SORCS1: variants seen among roughly 807,000 people sequenced by gnomAD.
The protein encoded by SORCS1 is sortilin related VPS10 domain containing receptor 1.
A neutral mutation model predicts 146.1 loss-of-function variants in SORCS1; 60 were observed. That is an observed-to-expected ratio of 0.41 (90% CI 0.33 to 0.51). SORCS1 has a LOEUF of 0.51. Among genes scored for constraint, SORCS1 ranks in the 20% least tolerant of loss-of-function variants. SORCS1 has a pLI of 0.21. For missense variants in SORCS1, 1,352 were observed against 1,487.6 expected (o/e 0.91, Z 1.50); for synonymous variants, 637 against 584.0 (o/e 1.09, Z -1.31).
intron 1 of SORCS1, among the ~76,000 whole-genome samples, chr10:107,096,233 T>C (rs771845099): frequency 1.1e-4 from 16 of 152,250 alleles, no homozygotes; most frequent in Non-Finnish European, 2.1e-4. Flanking sequence ...TCACTGGCAT[T>C]TAACAAATGA....
At chr10:107,001,807 A>C (rs1957234960) in intron 1 of SORCS1, among the ~76,000 whole-genome samples, 1 of 152,240 alleles carries the variant, frequency 6.6e-6, no homozygotes. Context: ...AAGTCAGCTT[A>C]ACAGCTATTT....
intron 16 of SORCS1, among the ~76,000 whole-genome samples, chr10:106,668,070 A>G (rs1454754367): frequency 1.3e-5 from 2 of 152,218 alleles, no homozygotes; most frequent in African/African-American, 4.8e-5. Flanking sequence ...GAGAGAGTAG[A>G]TTGTGCTCTC....
intron 2 of SORCS1, among the ~76,000 whole-genome samples, chr10:106,867,848 A>T (rs1316223622): frequency 3.9e-5 from 6 of 152,222 alleles, no homozygotes; most frequent in Non-Finnish European, 8.8e-5. Context: ...GATCAAATCC[A>T]CACATATCAA....
chr10:106,916,551 G>T (rs1045388842), intron 2 of SORCS1, among the ~76,000 whole-genome samples: 4 of 139,424 alleles, frequency 2.9e-5, no homozygotes, highest in Non-Finnish European at 4.6e-5. Context: ...TGCACACGAT[G>T]ATATATAATT....
intron 1 of SORCS1, among the ~76,000 whole-genome samples, chr10:107,097,595 C>T (rs1210865745): frequency 1.3e-5 from 2 of 152,154 alleles, no homozygotes; most frequent in Non-Finnish European, 2.9e-5. Flanking sequence ...TAGCCCCAGC[C>T]TCTCTGCCAG....
chr10:106,676,568 G>A (rs987092228), intron 13 of SORCS1, among the ~76,000 whole-genome samples: 1 of 151,850 alleles, frequency 6.6e-6, no homozygotes, highest in African/African-American at 2.4e-5. Context: ...AGGGTGTGAG[G>A]GTGAAAGTAT....
At chr10:106,795,789 C>A (rs1038444308) in intron 3 of SORCS1, among the ~76,000 whole-genome samples, 2 of 152,132 alleles carry the variant, frequency 1.3e-5, no homozygotes, top group African/African-American at 4.8e-5. Flanking sequence ...GGTGGGTCAA[C>A]CTCTAAGAGA....
chr10:106,940,092 T>C (rs1269346638), intron 2 of SORCS1, among the ~76,000 whole-genome samples: 1 of 152,208 alleles, frequency 6.6e-6, no homozygotes, highest in Non-Finnish European at 1.5e-5. Context: ...CTTCCAGCAC[T>C]CACGAAAGCA....
intron 2 of SORCS1, among the ~76,000 whole-genome samples, chr10:106,877,458 G>A (rs559044549): frequency 6.6e-6 from 1 of 152,098 alleles, no homozygotes; most frequent in Non-Finnish European, 1.5e-5. Context: ...TGCAATGCCT[G>A]TAGTTCCAGT....
rs372278371 is a variant in SORCS1, at chr10:107,094,181, AT to A, written c.558+69787del. 3.5e-3 allele frequency among the ~76,000 whole-genome samples: 535 copies of A among 151,250 alleles called. 2 individuals are homozygous for A. Among genetic ancestry groups the A allele is most frequent in the African/African-American group, 8.3e-3 (344 of 41,260 alleles). On this transcript the variant is annotated intron_variant, in intron 1 of 25. Coordinates refer to ENST00000263054, the MANE Select transcript of SORCS1 (RefSeq NM_052918.5). ...GAATATAAGATCTATGAAGGCAAAC[AT>A]TTTTTTTTAATTCCCTCCTACACCC...
intron 7 of SORCS1, among the ~76,000 whole-genome samples, chr10:106,708,246 GT>G (rs1854677678): frequency 1.0e-5 from 1 of 98,202 alleles, no homozygotes; most frequent in Non-Finnish European, 1.7e-5. Flanking sequence ...TAAAGAAATG[GT>G]GTGTGTGTGT....
chr10:107,105,737 G>T (rs544272519), intron 1 of SORCS1, among the ~76,000 whole-genome samples: 47 of 149,368 alleles, frequency 3.1e-4, no homozygotes, highest in Middle Eastern at 6.9e-3. Flanking sequence ...ATTGAGGGTG[G>T]GTCTGCCTCT....
At chr10:107,137,309 G>C (rs1172653783) in intron 1 of SORCS1, among the ~76,000 whole-genome samples, 2 of 152,102 alleles carry the variant, frequency 1.3e-5, no homozygotes, top group Non-Finnish European at 2.9e-5. Flanking sequence ...TTTTGACCTA[G>C]AGGAACACTT....
chr10:106,812,840 A>C (rs1230167672), intron 3 of SORCS1, among the ~76,000 whole-genome samples: 1 of 152,200 alleles, frequency 6.6e-6, no homozygotes, highest in African/African-American at 2.4e-5. Flanking sequence ...CTACAGATTT[A>C]ATGGTAGTAT....
chr10:106,575,153 C>T lies in SORCS1; in HGVS notation c.*2267G>A, dbSNP rs1284446403. ...TCTTCCACATTAAATTTGGGAGACT[C>T]CAACTGAAGAGGATCAATGAGGATG... is the stretch of plus-strand genomic sequence containing the variant. On this transcript the variant is annotated 3_prime_UTR_variant, in exon 26 of 26. Coordinates refer to ENST00000263054, the MANE Select transcript of SORCS1 (RefSeq NM_052918.5). The T allele has an allele frequency of 1.3e-5, 2 of 152,562 alleles. No individual in the cohort carries two copies. Among genetic ancestry groups the T allele is most frequent in the Non-Finnish European group, 2.9e-5 (2 of 68,028 alleles). 9.5% of individuals were successfully genotyped at this position (152,562 alleles called of 1,614,324 possible). A position where few individuals can be genotyped will look rare whatever the true frequency, so the allele number is the denominator to read the frequency against.
At position 106,667,787 on chromosome 10, in the gene SORCS1, C is replaced by T. The variant is rs768265223; in HGVS notation, c.2205G>A (p.Glu735=). 4.3e-6 allele frequency: 7 copies of T among 1,613,772 alleles called. No individual in the cohort carries two copies. Among genetic ancestry groups the T allele is most frequent in the Non-Finnish European group, 5.1e-6 (6 of 1,179,936 alleles). ...GCAGGCACTGGCCATTGCTGTGTCG[C>T]TCATAACCATAGTCGCTGTTAGGAA... ...EADFDCDYGY[E]RHSNGQCLPA... is the part of the protein sequence containing the mutation. Residue 735 remains glutamate, a synonymous_variant, in exon 17 of 26, where the codon GAG becomes GAA. Transcript: ENST00000263054.
At chr10:106,701,670 G>A (rs149298172) in intron 8 of SORCS1, among the ~76,000 whole-genome samples, 186 of 152,254 alleles carry the variant, frequency 1.2e-3, no homozygotes, top group Middle Eastern at 0.01. Flanking sequence ...TCATCCCACC[G>A]CCAGACTTTT....
At chr10:107,017,071 T>A (rs1054663680) in intron 1 of SORCS1, among the ~76,000 whole-genome samples, 5 of 152,190 alleles carry the variant, frequency 3.3e-5, no homozygotes, top group African/African-American at 1.2e-4. Flanking sequence ...AACTGTAAAT[T>A]GCATTAACTA....
chr10:107,055,329 A>G (rs1960505115), intron 1 of SORCS1, among the ~76,000 whole-genome samples: 1 of 152,254 alleles, frequency 6.6e-6, no homozygotes, highest in Non-Finnish European at 1.5e-5. Context: ...GATCTGGCAC[A>G]GGGGAAACAG....
Sources: gnomAD v4.1 joint callset for allele counts (sites outside exome capture counted in the v4.1 genomes callset) on GRCh38, gnomAD v4.1.1 for gene constraint, MANE v1.5 for transcripts, NCBI Gene and HGNC (gene_info 2026-07-23, HGNC 2026-07-21) for gene names.